The following PHACTR1 variants were observed in gnomAD, a reference collection of about 807,000 sequenced individuals.
PHACTR1 encodes the protein phosphatase and actin regulator 1.
In PHACTR1, 16 loss-of-function variants were observed where a neutral mutation model predicts 69.2. The observed-to-expected ratio is 0.23, with a 90% CI of 0.16 to 0.35. The LOEUF (loss-of-function observed/expected upper bound fraction) is 0.35, where lower values mean the gene tolerates loss of function less well. Ranked by LOEUF, PHACTR1 falls within the 10% of genes least tolerant of loss-of-function variation. The pLI is 1.00. For missense variants in PHACTR1, 510 were observed against 734.7 expected (o/e 0.69, Z 3.54); for synonymous variants, 312 against 284.5 (o/e 1.10, Z -0.97).
chr6:12,793,745 T>C (rs1772626803), intron 4 of PHACTR1, among the ~76,000 whole-genome samples: 1 of 152,228 alleles, frequency 6.6e-6, no homozygotes, highest in Admixed American at 6.5e-5. Context: ...GATAAATATA[T>C]GGTCTGAATC....
At chr6:13,029,420 A>G (rs1182180671) in intron 4 of PHACTR1, among the ~76,000 whole-genome samples, 3 of 152,128 alleles carry the variant, frequency 2.0e-5, no homozygotes, top group African/African-American at 7.2e-5. Flanking sequence ...GGCTGAGATG[A>G]TGTGGGGCTG....
chr6:13,105,816 A>G (rs1816037588), intron 5 of PHACTR1, among the ~76,000 whole-genome samples: 3 of 152,374 alleles, frequency 2.0e-5, no homozygotes, highest in Non-Finnish European at 2.9e-5. Context: ...AACAAGGAGC[A>G]TAGATTCAAG....
intron 4 of PHACTR1, among the ~76,000 whole-genome samples, chr6:12,973,685 G>A (rs2127583891): frequency 6.6e-6 from 1 of 152,208 alleles, no homozygotes; most frequent in Non-Finnish European, 1.5e-5. Flanking sequence ...CTTACTGCCA[G>A]AGCTGTAAAT....
At chr6:13,111,282 A>AT (rs1332089458) in intron 5 of PHACTR1, among the ~76,000 whole-genome samples, 1 of 152,020 alleles carries the variant, frequency 6.6e-6, no homozygotes, top group Admixed American at 6.6e-5. Flanking sequence ...TGGATACTCA[A>AT]TTTTTTTTAA....
intron 5 of PHACTR1, among the ~76,000 whole-genome samples, chr6:13,076,194 A>T (rs980589377): frequency 6.6e-6 from 1 of 152,184 alleles, no homozygotes; most frequent in Admixed American, 6.5e-5. Context: ...AGTCACCCAC[A>T]CTGAGCACAC....
At chr6:12,850,525 G>T (rs1031359181) in intron 4 of PHACTR1, among the ~76,000 whole-genome samples, 2 of 152,320 alleles carry the variant, frequency 1.3e-5, no homozygotes, top group South Asian at 2.1e-4. Context: ...TTCCCAGTTG[G>T]GTCTCCAGTA....
At chr6:12,822,741 A>C (rs7768030) in intron 4 of PHACTR1, among the ~76,000 whole-genome samples, 18,364 of 152,148 alleles carry the variant, frequency 0.12, 1,303 homozygotes, top group African/African-American at 0.19. Flanking sequence ...TTCTAGCCAG[A>C]AGCAGCCCAA....
intron 4 of PHACTR1, among the ~76,000 whole-genome samples, chr6:12,771,595 T>C (rs558291638): frequency 6.6e-6 from 1 of 152,358 alleles, no homozygotes; most frequent in East Asian, 1.9e-4. Flanking sequence ...GGATCCGGGA[T>C]GCTCCAGTAG....
chr6:13,169,591 G>A (rs758637617), intron 6 of PHACTR1, among the ~76,000 whole-genome samples: 6 of 152,170 alleles, frequency 3.9e-5, no homozygotes, highest in African/African-American at 7.2e-5. Context: ...AACCAAAAAT[G>A]TGTAGCATTA....
At chr6:12,744,951 A>G (rs574648639) in intron 3 of PHACTR1, among the ~76,000 whole-genome samples, 2 of 151,958 alleles carry the variant, frequency 1.3e-5, no homozygotes, top group East Asian at 1.9e-4. Context: ...AAGTGATGAG[A>G]GTGGATAGAG....
At chr6:13,019,072 A>AT (rs780505347) in intron 4 of PHACTR1, among the ~76,000 whole-genome samples, 165 of 144,744 alleles carry the variant, frequency 1.1e-3, no homozygotes, top group African/African-American at 3.8e-3. Flanking sequence ...ATATATATAT[A>AT]TATTTTTTCT....
intron 4 of PHACTR1, among the ~76,000 whole-genome samples, chr6:12,996,299 A>C (rs1797403320): frequency 6.6e-6 from 1 of 152,190 alleles, no homozygotes; most frequent in East Asian, 1.9e-4. Flanking sequence ...TCTTGTTTTG[A>C]AAATGTTAAT....
chr6:13,102,620 G>T lies in PHACTR1; in HGVS notation c.415+49091G>T, dbSNP rs903600052. On this transcript the variant is annotated intron_variant, in intron 5 of 14. Coordinates refer to ENST00000332995, the MANE Select transcript of PHACTR1 (RefSeq NM_030948.6). Reference sequence around the variant, plus strand: ...GTAACATTACAGAGCAACCAAGCCTGTTGCCAGATCTCTTTTAGGTACCTA... The same window carrying T: ...GTAACATTACAGAGCAACCAAGCCTTTTGCCAGATCTCTTTTAGGTACCTA... Among the ~76,000 whole-genome samples, 15 of 152,144 alleles carry T rather than the reference G, an allele frequency of 9.9e-5. 1 individual carries two copies. The highest frequency in any genetic ancestry group is 1.6e-4 in the Non-Finnish European group (11 of 68,024).
intron 4 of PHACTR1, chr6:12,933,976 G>C: frequency 6.4e-7 from 1 of 1,553,254 alleles, no homozygotes; most frequent in Non-Finnish European, 8.7e-7. Context: ...CTGTAACAAA[G>C]TACCACAAAC....
At chr6:12,901,260 A>G (rs1433607166) in intron 4 of PHACTR1, among the ~76,000 whole-genome samples, 3 of 152,214 alleles carry the variant, frequency 2.0e-5, no homozygotes, top group Non-Finnish European at 4.4e-5. Flanking sequence ...AAACATTACT[A>G]CAGCCTATTT....
In PHACTR1 at chr6:12,992,539, C is replaced by T. The variant is rs113246857; in HGVS notation, c.251-60826C>T. ...ACGTATCTCTTATCTGTGTCTTGGA[C>T]ACCATGTTGCAAGTGACAAGTTGTA... On this transcript the variant is annotated intron_variant, in intron 4 of 14. Coordinates refer to ENST00000332995, the MANE Select transcript of PHACTR1 (RefSeq NM_030948.6). Among the ~76,000 whole-genome samples, 1,413 of 152,258 alleles carry T rather than the reference C, an allele frequency of 9.3e-3. 26 individuals carry two copies. Among genetic ancestry groups the T allele is most frequent in the African/African-American group, 0.032 (1,341 of 41,540 alleles).
At chr6:12,825,763 C>T (rs1776734004) in intron 4 of PHACTR1, among the ~76,000 whole-genome samples, 1 of 152,178 alleles carries the variant, frequency 6.6e-6, no homozygotes, top group African/African-American at 2.4e-5. Flanking sequence ...AGTTCCTCTG[C>T]AGGTCTGGTT....
chr6:13,079,094 T>A (rs1478079237), intron 5 of PHACTR1, among the ~76,000 whole-genome samples: 1 of 152,188 alleles, frequency 6.6e-6, no homozygotes, highest in Non-Finnish European at 1.5e-5. Context: ...TTTTTCCAGA[T>A]CCACCTTCAT....
chr6:12,897,698 T>TTATTATTA (rs1784801240), intron 4 of PHACTR1, among the ~76,000 whole-genome samples: 1 of 148,832 alleles, frequency 6.7e-6, no homozygotes, highest in African/African-American at 2.5e-5. Context: ...TTTGTAATCT[T>TTATTATTA]TTATTATTAT....
Sources: gnomAD v4.1 joint callset for allele counts (sites outside exome capture counted in the v4.1 genomes callset) on GRCh38, gnomAD v4.1.1 for gene constraint, MANE v1.5 for transcripts, NCBI Gene and HGNC (gene_info 2026-07-23, HGNC 2026-07-21) for gene names.